GALNT18: variants seen among roughly 807,000 people sequenced by gnomAD.
GALNT18 encodes GalNAc-transferase 18.
Under a neutral mutation model 69.5 loss-of-function variants are expected in GALNT18, and 44 were observed. That is an observed-to-expected ratio of 0.63 (90% confidence interval 0.50 to 0.81). The LOEUF (loss-of-function observed/expected upper bound fraction) is 0.81. Among genes scored for constraint, GALNT18 ranks in the 40% least tolerant of loss-of-function variants. The pLI, the probability that GALNT18 is intolerant of heterozygous loss-of-function variation, is 0.00. For synonymous variants in GALNT18, 364 were observed against 318.2 expected (o/e 1.14, Z -1.53); for missense variants, 715 against 810.0 (o/e 0.88, Z 1.42).
rs1850203814 is a variant in GALNT18, at chr11:11,341,358, CT to C, written c.1093-355del. Among the ~76,000 whole-genome samples, 1 of 152,126 alleles carries C rather than the reference CT, an allele frequency of 6.6e-6. No individual in the cohort carries two copies. Among genetic ancestry groups the C allele is most frequent in the African/African-American group, 2.4e-5 (1 of 41,426 alleles). ...ACTTGGGGGAGAAGTTAACAAAACC[CT>C]TGATGATAGTCTGCAGCAGTGGTTG... On this transcript the variant is annotated intron_variant, in intron 6 of 10. Coordinates refer to ENST00000227756, the MANE Select transcript of GALNT18 (RefSeq NM_198516.3). This position sits in a 1 kb window ranked among gnomAD's most constrained non-coding sequence, Gnocchi z 6.3.
intron 1 of GALNT18, among the ~76,000 whole-genome samples, chr11:11,487,828 T>C (rs146071110): frequency 3.3e-5 from 5 of 152,324 alleles, no homozygotes; most frequent in African/African-American, 7.2e-5. Context: ...AGCTCACTTT[T>C]CTGATGGAAA....
rs1185225105 is a variant in GALNT18, at chr11:11,621,101, C to G, written c.235+258G>C. Among the ~76,000 whole-genome samples the G allele has an allele frequency of 2.6e-5, 4 of 152,218 alleles. No homozygotes were observed. Among genetic ancestry groups the G allele is most frequent in the African/African-American group, 9.6e-5 (4 of 41,456 alleles). ...ATTTGGACACGTGCGCAGCGCGCCC[C>G]CATACCGCCAGCTAGCTGCACACAT... On this transcript the variant is annotated intron_variant, in intron 1 of 10. Transcript: ENST00000227756. This position sits in a 1 kb window ranked among gnomAD's most constrained non-coding sequence, Gnocchi z 9.3.
chr11:11,455,462 T>C (rs1304521017), intron 1 of GALNT18, among the ~76,000 whole-genome samples: 4 of 152,058 alleles, frequency 2.6e-5, no homozygotes, highest in African/African-American at 9.7e-5. Flanking sequence ...GATGCTTGAA[T>C]TGAAGAATAA....
Position 11,555,832 on chromosome 11 carries a change from C to T in GALNT18, c.235+65527G>A, listed in dbSNP as rs532919253. The stretch of plus-strand genomic sequence containing the variant: ...GCATCTCTACCAGACCAAGTGGACT[C>T]TGTCTCAAAGACATGGAATCTTCTC... On this transcript the variant is annotated intron_variant, in intron 1 of 10. Coordinates refer to ENST00000227756, the MANE Select transcript of GALNT18 (RefSeq NM_198516.3). The surrounding 1 kb of genome is among the most constrained non-coding windows in gnomAD (Gnocchi z 4.7). Among the ~76,000 whole-genome samples the T allele has an allele frequency of 6.6e-6, 1 of 152,340 alleles. No individual in the cohort carries two copies. Among genetic ancestry groups the T allele is most frequent in the South Asian group, 2.1e-4 (1 of 4,830 alleles).
rs867063622 is a variant in GALNT18 at position 11,613,247 on chromosome 11, C to T, written c.235+8112G>A. Among the ~76,000 whole-genome samples the T allele has an allele frequency of 2.2e-4, 33 of 152,148 alleles. No individual in the cohort carries two copies. The highest frequency in any genetic ancestry group is 7.5e-4 in the African/African-American group (31 of 41,432). On this transcript the variant is annotated intron_variant, in intron 1 of 10. Coordinates refer to ENST00000227756, the MANE Select transcript of GALNT18 (RefSeq NM_198516.3). The surrounding 1 kb of genome is among the most constrained non-coding windows in gnomAD (Gnocchi z 4.2). ...GTTCCAGTTGGCTGCACTGGAACTACAGGGGATCTATAAAAGGTATACAGA... is the reference window on the plus strand; with the variant it reads ...GTTCCAGTTGGCTGCACTGGAACTATAGGGGATCTATAAAAGGTATACAGA...
chr11:11,310,769 G>A lies in GALNT18; in HGVS notation c.1512+16317C>T, dbSNP rs1463139367. ...CAGGGCTAATGCAGAGCAACAAACC[G>A]ATTTCAGAAAAAGCATCTGGGACAA... On this transcript the variant is annotated intron_variant, in intron 9 of 10. Coordinates refer to ENST00000227756, the MANE Select transcript of GALNT18 (RefSeq NM_198516.3). 3.3e-5 allele frequency among the ~76,000 whole-genome samples: 5 copies of A among 152,160 alleles called. 1 individual carries two copies. Among genetic ancestry groups the A allele is most frequent in the South Asian group, 2.1e-4 (1 of 4,834 alleles).
chr11:11,335,103 G>T lies in GALNT18; in HGVS notation c.1279-2272C>A, dbSNP rs528860295. Among the ~76,000 whole-genome samples, 5 of 152,320 alleles carry T rather than the reference G, an allele frequency of 3.3e-5. No individual in the cohort carries two copies. In the South Asian group the frequency reaches 6.2e-4, roughly 19 times the overall value. On this transcript the variant is annotated intron_variant, in intron 7 of 10. Transcript: ENST00000227756. Reference sequence around the variant, plus strand: ...TCTGTTTTATAGGGAGCCAGTAGAAGAACCTGTCTCACAAAGGCCTCTGTG... The same window carrying T: ...TCTGTTTTATAGGGAGCCAGTAGAATAACCTGTCTCACAAAGGCCTCTGTG...
chr11:11,482,820 G>C (rs1856562744), intron 1 of GALNT18, among the ~76,000 whole-genome samples: 1 of 152,124 alleles, frequency 6.6e-6, no homozygotes, highest in Admixed American at 6.5e-5. Context: ...ACCCTCCAAG[G>C]TCAGATGCAC....
intron 1 of GALNT18, among the ~76,000 whole-genome samples, chr11:11,452,642 G>C (rs892142305): frequency 6.6e-6 from 1 of 152,208 alleles, no homozygotes; most frequent in African/African-American, 2.4e-5. Context: ...TGGTCATCCA[G>C]CAAAGGGGAC....
chr11:11,555,972 C>T lies in GALNT18; in HGVS notation c.235+65387G>A, dbSNP rs548995976. 4.6e-5 allele frequency among the ~76,000 whole-genome samples: 7 copies of T among 152,270 alleles called. No individual in the cohort carries two copies. Among genetic ancestry groups the T allele is most frequent in the South Asian group, 2.1e-4 (1 of 4,822 alleles). ...CCTTATTTCCTCTGAGTCCTCTAAC[C>T]GAGATCAGACTTAAGTCAACACCAG... On this transcript the variant is annotated intron_variant, in intron 1 of 10. Coordinates refer to ENST00000227756, the MANE Select transcript of GALNT18 (RefSeq NM_198516.3). This position sits in a 1 kb window ranked among gnomAD's most constrained non-coding sequence, Gnocchi z 4.7.
At chr11:11,406,969 G>A (rs1047113924) in intron 3 of GALNT18, among the ~76,000 whole-genome samples, 1 of 152,128 alleles carries the variant, frequency 6.6e-6, no homozygotes, top group Non-Finnish European at 1.5e-5. Flanking sequence ...TGAGGTGAGG[G>A]TCTCGGGGCC....
Position 11,377,066 on chromosome 11 carries a change from C to T in GALNT18, c.977+116G>A, listed in dbSNP as rs971556047. 33 of 932,596 alleles carry T rather than the reference C, an allele frequency of 3.5e-5. No homozygotes were observed. Among genetic ancestry groups the T allele is most frequent in the Non-Finnish European group, 4.8e-5 (29 of 601,046 alleles). The allele number at this position is 932,596 out of a possible 1,614,324, so 57.8% of individuals were successfully genotyped here. On this transcript the variant is annotated intron_variant, in intron 5 of 10. Coordinates refer to ENST00000227756, the MANE Select transcript of GALNT18 (RefSeq NM_198516.3). This position sits in a 1 kb window ranked among gnomAD's most constrained non-coding sequence, Gnocchi z 4.6. ...CAGACTGCAGTTCCTTTCGACCCTG[C>T]CCACCCCTGTCATCCCCACGATGGG...
chr11:11,311,800 A>C (rs1214783868), intron 9 of GALNT18, among the ~76,000 whole-genome samples: 1 of 152,232 alleles, frequency 6.6e-6, no homozygotes, highest in Non-Finnish European at 1.5e-5. Context: ...TATCTTGACT[A>C]ATAACAACTA....
At position 11,339,859 on chromosome 11, in the gene GALNT18, T is replaced by C. The variant is rs949620806; in HGVS notation, c.1278+960A>G. 6.6e-6 allele frequency among the ~76,000 whole-genome samples: 1 copy of C among 152,072 alleles called. No individual in the cohort carries two copies. The highest frequency in any genetic ancestry group is 1.9e-4 in the East Asian group (1 of 5,186). ...CCTCAATCATTTAACCAGAGCAACATTAGCTTGGTGTAGAGTTTAGGTAAC... is the reference window on the plus strand; with the variant it reads ...CCTCAATCATTTAACCAGAGCAACACTAGCTTGGTGTAGAGTTTAGGTAAC... On this transcript the variant is annotated intron_variant, in intron 7 of 10. Transcript: ENST00000227756. This position sits in a 1 kb window ranked among gnomAD's most constrained non-coding sequence, Gnocchi z 5.2.
chr11:11,548,516 T>A (rs1021927795), intron 1 of GALNT18, among the ~76,000 whole-genome samples: 1 of 152,208 alleles, frequency 6.6e-6, no homozygotes. Flanking sequence ...ATGGCCTCCA[T>A]GTCCTCTGAC....
chr11:11,348,689 C>T (rs1240952340), intron 6 of GALNT18, among the ~76,000 whole-genome samples: 1 of 152,180 alleles, frequency 6.6e-6, no homozygotes, highest in Non-Finnish European at 1.5e-5. Flanking sequence ...ATAGGTGGAT[C>T]ACATTCTTGG....
In GALNT18 at chr11:11,348,705, T is replaced by C. The variant is rs552523311; in HGVS notation, c.1093-7701A>G. On this transcript the variant is annotated intron_variant, in intron 6 of 10. Transcript: ENST00000227756. ...TAGGTGGATCACATTCTTGGGTTTC[T>C]GTCCCCTCTTTCTGCCACTCTCTTT... is the stretch of plus-strand genomic sequence containing the variant. 3.3e-5 allele frequency among the ~76,000 whole-genome samples: 5 copies of C among 152,326 alleles called. No individual in the cohort carries two copies. The East Asian group carries it at 7.7e-4, about 24-fold the overall frequency.
chr11:11,378,428 C>T (rs991576788), intron 4 of GALNT18, among the ~76,000 whole-genome samples: 1 of 152,228 alleles, frequency 6.6e-6, no homozygotes, highest in African/African-American at 2.4e-5. Flanking sequence ...TGGCCCTGTG[C>T]CCTCCAGCCC....
chr11:11,539,574 C>T (rs751980599), intron 1 of GALNT18, among the ~76,000 whole-genome samples: 1 of 152,218 alleles, frequency 6.6e-6, no homozygotes, highest in Non-Finnish European at 1.5e-5. Flanking sequence ...AGAGACCCCA[C>T]TGTGAACATG....
Sources: allele counts gnomAD v4.1 joint callset (sites outside exome capture counted in the v4.1 genomes callset), GRCh38; gene constraint gnomAD v4.1.1; non-coding constraint Gnocchi (gnomAD v3.1); transcripts MANE v1.5; gene names NCBI Gene and HGNC (gene_info 2026-07-23, HGNC 2026-07-21).